The following ERBB4 variants were observed in gnomAD, a reference collection of about 807,000 sequenced individuals.
ERBB4 encodes the protein erb-b2 receptor tyrosine kinase 4.
ERBB4 carries 42 observed loss-of-function variants against 158.0 expected under a neutral mutation model. That is an observed-to-expected ratio of 0.27 (90% CI 0.21 to 0.34). ERBB4 has a LOEUF of 0.34. Among genes scored for constraint, ERBB4 ranks in the 10% least tolerant of loss-of-function variants. The probability of loss-of-function intolerance (pLI) is 1.00; values close to 1 mark genes in which losing one functional copy is unlikely to be tolerated. For missense variants in ERBB4, 1,333 were observed against 1,624.1 expected, an observed-to-expected ratio of 0.82 and a Z score of 3.08; for synonymous variants, 583 against 558.7, an observed-to-expected ratio of 1.04 and a Z score of -0.61.
chr2:212,354,355 T>G (rs917164203), intron 1 of ERBB4, among the ~76,000 whole-genome samples: 1 of 151,966 alleles, frequency 6.6e-6, no homozygotes, highest in Non-Finnish European at 1.5e-5. Flanking sequence ...TATTAATAGG[T>G]CATAAGGAAA....
chr2:212,359,436 C>A (rs937702846), intron 1 of ERBB4, among the ~76,000 whole-genome samples: 1 of 149,418 alleles, frequency 6.7e-6, no homozygotes, highest in Non-Finnish European at 1.5e-5. Context: ...CCAATAAAAT[C>A]TATTTCAAAT....
intron 2 of ERBB4, among the ~76,000 whole-genome samples, chr2:212,103,085 A>G (rs563856403): frequency 6.6e-6 from 1 of 152,238 alleles, no homozygotes; most frequent in African/African-American, 2.4e-5. Context: ...TGCATGACAG[A>G]TGGAGCTTAC....
intron 12 of ERBB4, among the ~76,000 whole-genome samples, chr2:211,682,516 C>CCACT (rs1397112988): frequency 6.6e-6 from 1 of 152,074 alleles, no homozygotes; most frequent in Admixed American, 6.6e-5. Context: ...TCTGGTCAAC[C>CCACT]CACTCCCCAG....
intron 20 of ERBB4, among the ~76,000 whole-genome samples, chr2:211,489,455 T>A (rs530595977): frequency 5.9e-5 from 9 of 152,082 alleles, no homozygotes; most frequent in African/African-American, 2.2e-4. Context: ...TCATATGAAT[T>A]AAACGTAAAA....
chr2:211,378,528 C>A lies in ERBB4; in HGVS notation c.*5087G>T, dbSNP rs111290928. 3 of 232,698 alleles carry A rather than the reference C, an allele frequency of 1.3e-5. No individual in the cohort carries two copies. The highest frequency in any genetic ancestry group is 2.6e-5 in the Non-Finnish European group (3 of 117,446). The allele number at this position is 232,698 out of a possible 1,614,324, so 14.4% of individuals were successfully genotyped here. A position where few individuals can be genotyped will look rare whatever the true frequency, so the allele number is the denominator to read the frequency against. Reference sequence around the variant, plus strand: ...ATTTGCCCACACAAACACAAGGGCCCCTGGCCCGACACAATGCCCACAACA... The same window carrying A: ...ATTTGCCCACACAAACACAAGGGCCACTGGCCCGACACAATGCCCACAACA... On this transcript the variant is annotated 3_prime_UTR_variant, in exon 28 of 28. Transcript: ENST00000342788.
At chr2:212,020,836 C>T (rs983927578) in intron 2 of ERBB4, among the ~76,000 whole-genome samples, 10 of 151,998 alleles carry the variant, frequency 6.6e-5, no homozygotes, top group Admixed American at 1.3e-4. Context: ...CATTTTGGTG[C>T]CATTAGGTAA....
chr2:212,186,056 T>G (rs1357139), intron 1 of ERBB4, among the ~76,000 whole-genome samples: 96,855 of 151,972 alleles, frequency 0.64, 31,295 homozygotes, highest in East Asian at 0.79. Context: ...TACATTGTTT[T>G]TAATTGTCTG....
intron 5 of ERBB4, among the ~76,000 whole-genome samples, chr2:211,741,354 T>C (rs1200133856): frequency 6.6e-6 from 1 of 151,940 alleles, no homozygotes; most frequent in Non-Finnish European, 1.5e-5. Flanking sequence ...CATTTTCTGA[T>C]CCCTCTGCTT....
intron 3 of ERBB4, among the ~76,000 whole-genome samples, chr2:211,879,779 A>G (rs2078611958): frequency 6.6e-6 from 1 of 152,088 alleles, no homozygotes; most frequent in Non-Finnish European, 1.5e-5. Context: ...ATTATAGCAC[A>G]TTTACACAAA....
chr2:211,811,829 C>T (rs547802401), intron 3 of ERBB4, among the ~76,000 whole-genome samples: 7 of 152,070 alleles, frequency 4.6e-5, no homozygotes, highest in South Asian at 2.1e-4. Context: ...CTTGTGCATG[C>T]GTCATGTAGT....
At chr2:211,993,630 TA>T (rs534026275) in intron 2 of ERBB4, among the ~76,000 whole-genome samples, 1 of 149,862 alleles carries the variant, frequency 6.7e-6, no homozygotes, top group Admixed American at 6.7e-5. Flanking sequence ...TAAAGAAAAT[TA>T]AAAAAAAACA....
At chr2:212,094,674 C>T (rs1279580272) in intron 2 of ERBB4, among the ~76,000 whole-genome samples, 1 of 152,134 alleles carries the variant, frequency 6.6e-6, no homozygotes, top group Non-Finnish European at 1.5e-5. Flanking sequence ...TGATCGAAAG[C>T]TTCCTGAGGC....
Position 211,379,421 on chromosome 2 carries a change from T to C in ERBB4, c.*4194A>G, listed in dbSNP as rs1376689389. ...AAAGGAATAAGAGAATGAGAAAAAA[T>C]TGTTCATTGTAATGCTTTAAAGCAA... On this transcript the variant is annotated 3_prime_UTR_variant, in exon 28 of 28. Coordinates refer to ENST00000342788, the MANE Select transcript of ERBB4 (RefSeq NM_005235.3). 1 of 229,612 alleles carries C rather than the reference T, an allele frequency of 4.4e-6. No homozygotes were observed. The highest frequency in any genetic ancestry group is 8.6e-6 in the Non-Finnish European group (1 of 115,820). The allele number at this position is 229,612 out of a possible 1,614,324, so 14.2% of individuals were successfully genotyped here.
In ERBB4 at chr2:212,291,336, T is replaced by A. The variant is rs148730471; in HGVS notation, c.83-166433A>T. Among the ~76,000 whole-genome samples, 3 of 152,246 alleles carry A rather than the reference T, an allele frequency of 2.0e-5. No individual in the cohort carries two copies. In the East Asian group the frequency reaches 5.8e-4, roughly 30 times the overall value. ...TACAAATGATTCTAACGAACAGTTA[T>A]ATAAGTTGATAGTCCTGAATATATT... is the stretch of plus-strand genomic sequence containing the variant. On this transcript the variant is annotated intron_variant, in intron 1 of 27. Transcript: ENST00000342788.
intron 5 of ERBB4, among the ~76,000 whole-genome samples, chr2:211,731,665 C>G (rs1263944842): frequency 6.6e-6 from 1 of 151,938 alleles, no homozygotes; most frequent in African/African-American, 2.4e-5. Context: ...AAATTTATTC[C>G]TATTAATGAT....
intron 1 of ERBB4, among the ~76,000 whole-genome samples, chr2:212,456,697 G>A (rs917773838): frequency 2.6e-5 from 4 of 151,676 alleles, no homozygotes; most frequent in Non-Finnish European, 5.9e-5. Flanking sequence ...TATATTTAAG[G>A]GATACAATTT....
intron 1 of ERBB4, among the ~76,000 whole-genome samples, chr2:212,424,779 G>A (rs2091870917): frequency 1.3e-5 from 2 of 151,754 alleles, no homozygotes; most frequent in Admixed American, 6.6e-5. Flanking sequence ...AGAACAGTTG[G>A]AAAACCCAAA....
At chr2:212,351,809 T>C (rs570232596) in intron 1 of ERBB4, among the ~76,000 whole-genome samples, 5 of 152,316 alleles carry the variant, frequency 3.3e-5, no homozygotes, top group African/African-American at 1.2e-4. Context: ...GAGATAATCA[T>C]GTTGCTAAGG....
chr2:212,188,542 G>C (rs2082097963), intron 1 of ERBB4, among the ~76,000 whole-genome samples: 2 of 151,524 alleles, frequency 1.3e-5, no homozygotes, highest in South Asian at 2.1e-4. Context: ...GTATTCAAAG[G>C]CTTCCCGTGG....
Sources: allele counts gnomAD v4.1 joint callset (sites outside exome capture counted in the v4.1 genomes callset), GRCh38; gene constraint gnomAD v4.1.1; transcripts MANE v1.5; gene names NCBI Gene and HGNC (gene_info 2026-07-23, HGNC 2026-07-21).